The following GPSM2 variants were observed in gnomAD, a reference collection of about 807,000 sequenced individuals.
The protein encoded by GPSM2 is G protein signaling modulator 2, also known as G protein-signaling modulator 2.
GPSM2 carries 58 observed loss-of-function variants against 78.4 expected under a neutral mutation model. That is an observed-to-expected ratio of 0.74 (90% CI 0.60 to 0.92). The LOEUF (loss-of-function observed/expected upper bound fraction) is 0.92. Among genes scored for constraint, GPSM2 ranks in the 40% least tolerant of loss-of-function variants. GPSM2 has a pLI of 0.00. For synonymous variants in GPSM2, 224 were observed against 280.2 expected, an observed-to-expected ratio of 0.80 and a Z score of 2.00; for missense variants, 700 against 815.5, an observed-to-expected ratio of 0.86 and a Z score of 1.73.
At chr1:108,920,195 G>A (rs1650593777) in intron 12 of GPSM2, among the ~76,000 whole-genome samples, 1 of 151,290 alleles carries the variant, frequency 6.6e-6, no homozygotes, top group Admixed American at 6.6e-5. Context: ...TTGGCTGGGC[G>A]CAGTGGCTCA....
At chr1:108,929,375 A>C (rs1012922955) in intron 14 of GPSM2, 2 of 327,444 alleles carry the variant, frequency 6.1e-6, no homozygotes, top group Non-Finnish European at 1.1e-5. Flanking sequence ...ATACTTAGAT[A>C]CAGTTGACCT....
intron 7 of GPSM2, among the ~76,000 whole-genome samples, chr1:108,901,449 T>C (rs539827559): frequency 4.1e-4 from 62 of 152,346 alleles, no homozygotes; most frequent in South Asian, 1.7e-3. Flanking sequence ...AAAGCCTCTT[T>C]TAGCTATTGC....
At chr1:108,893,666 T>A (rs968945946) in intron 2 of GPSM2, among the ~76,000 whole-genome samples, 8 of 152,230 alleles carry the variant, frequency 5.3e-5, no homozygotes, top group Non-Finnish European at 1.0e-4. Context: ...TCCATTTTTT[T>A]AAATAATATT....
intron 1 of GPSM2, among the ~76,000 whole-genome samples, chr1:108,878,007 A>G (rs1254496104): frequency 6.6e-6 from 1 of 152,130 alleles, no homozygotes; most frequent in East Asian, 1.9e-4. Flanking sequence ...TTTCCTTTCT[A>G]TCGGGTTTGC....
intron 10 of GPSM2, chr1:108,909,902 C>CAAAA (rs34151964): frequency 5.9e-5 from 3 of 50,636 alleles, no homozygotes; most frequent in Admixed American, 4.8e-4. Context: ...ACGCCATCTC[C>CAAAA]AAAAAAAAAA....
intron 1 of GPSM2, among the ~76,000 whole-genome samples, chr1:108,878,556 G>A (rs2101280766): frequency 6.6e-6 from 1 of 152,166 alleles, no homozygotes; most frequent in South Asian, 2.1e-4. Flanking sequence ...ACAGTGATAA[G>A]ATATAGTAGT....
At chr1:108,912,027 C>G (rs553364807) in intron 10 of GPSM2, among the ~76,000 whole-genome samples, 1 of 151,826 alleles carries the variant, frequency 6.6e-6, no homozygotes, top group East Asian at 1.9e-4. Context: ...AGGCTAGTCT[C>G]GAACTTATGA....
chr1:108,917,666 A>ATATATATATATATG (rs1553215429), intron 11 of GPSM2, among the ~76,000 whole-genome samples: 1 of 83,986 alleles, frequency 1.2e-5, no homozygotes, highest in Non-Finnish European at 2.3e-5. Flanking sequence ...ATATATATAT[A>ATATATATATATATG]AATGAGTTCT....
intron 11 of GPSM2, among the ~76,000 whole-genome samples, chr1:108,917,341 G>A (rs1250637846): frequency 6.6e-6 from 1 of 151,772 alleles, no homozygotes; most frequent in Non-Finnish European, 1.5e-5. Flanking sequence ...GCCGAGGCGG[G>A]TGGATCACGA....
rs1244512667 is a variant in GPSM2 at position 108,931,750 on chromosome 1, G to A, written c.*1810G>A. On this transcript the variant is annotated 3_prime_UTR_variant, in exon 15 of 15. Transcript: ENST00000264126. ...GGTAAGTTTCATGGGGTTCTTATAA[G>A]AAAATTCAGTTAAGACAATATACCA... 3 of 295,200 alleles carry A rather than the reference G, an allele frequency of 1.0e-5. No homozygotes were observed. The highest frequency in any genetic ancestry group is 6.6e-5 in the African/African-American group (3 of 45,458). 18.3% of individuals were successfully genotyped at this position (295,200 alleles called of 1,614,324 possible). A position where few individuals can be genotyped will look rare whatever the true frequency, so the allele number is the denominator to read the frequency against.
At chr1:108,927,031 A>G (rs981364655) in intron 14 of GPSM2, 20 of 152,242 alleles carry the variant, frequency 1.3e-4, no homozygotes, top group Admixed American at 1.3e-3. Flanking sequence ...AACAATTGGA[A>G]AAGAAATTTA....
At chr1:108,920,728 G>T (rs1316877692) in intron 12 of GPSM2, among the ~76,000 whole-genome samples, 4 of 152,084 alleles carry the variant, frequency 2.6e-5, no homozygotes, top group Non-Finnish European at 4.4e-5. Context: ...GGGGTATATA[G>T]AAATTCAGGG....
intron 1 of GPSM2, among the ~76,000 whole-genome samples, chr1:108,883,827 T>C (rs1186743185): frequency 2.0e-5 from 3 of 152,226 alleles, no homozygotes; most frequent in African/African-American, 7.2e-5. Flanking sequence ...CCTCCTTTTC[T>C]CTGAACTTCT....
At position 108,932,173 on chromosome 1, in the gene GPSM2, C is replaced by G. The variant is rs1208467307; in HGVS notation, c.*2233C>G. The stretch of plus-strand genomic sequence containing the variant: ...TCTGTAATCCTAGCTACTCGGGAGA[C>G]TGAGGCAGGAGAATCTCTTGAACCT... On this transcript the variant is annotated 3_prime_UTR_variant, in exon 15 of 15. Transcript: ENST00000264126. The G allele has an allele frequency of 2.0e-5, 3 of 152,202 alleles. No individual in the cohort carries two copies. The highest frequency in any genetic ancestry group is 2.9e-5 in the Non-Finnish European group (2 of 68,080). 9.4% of individuals were successfully genotyped at this position (152,202 alleles called of 1,614,324 possible). A position where few individuals can be genotyped will look rare whatever the true frequency, so the allele number is the denominator to read the frequency against.
At chr1:108,912,302 C>G (rs890532541) in intron 10 of GPSM2, among the ~76,000 whole-genome samples, 10 of 152,100 alleles carry the variant, frequency 6.6e-5, no homozygotes, top group Admixed American at 2.0e-4. Flanking sequence ...AGTAATAAGA[C>G]AGTGTGCTGT....
chr1:108,911,055 T>C (rs1374408614), intron 10 of GPSM2, among the ~76,000 whole-genome samples: 2 of 152,010 alleles, frequency 1.3e-5, no homozygotes, highest in East Asian at 1.9e-4. Flanking sequence ...CAGTAGCAGA[T>C]TGGAGAAAGA....
At chr1:108,927,397 A>G (rs1557882241) in intron 14 of GPSM2, among the ~76,000 whole-genome samples, 1 of 152,304 alleles carries the variant, frequency 6.6e-6, no homozygotes, top group South Asian at 2.1e-4. Context: ...GGTTATTACA[A>G]AGCTACATTA....
intron 11 of GPSM2, among the ~76,000 whole-genome samples, chr1:108,915,490 G>T (rs533746687): frequency 1.3e-5 from 2 of 149,584 alleles, no homozygotes; most frequent in Non-Finnish European, 3.0e-5. Flanking sequence ...GCAGTGGCGC[G>T]ATCTCAGCTC....
intron 10 of GPSM2, among the ~76,000 whole-genome samples, chr1:108,909,388 C>A (rs1406958026): frequency 6.6e-6 from 1 of 152,132 alleles, no homozygotes; most frequent in African/African-American, 2.4e-5. Flanking sequence ...TGTATCACAT[C>A]TGTATCACAC....
Sources: allele counts gnomAD v4.1 joint callset (sites outside exome capture counted in the v4.1 genomes callset), GRCh38; gene constraint gnomAD v4.1.1; transcripts MANE v1.5; gene names NCBI Gene and HGNC (gene_info 2026-07-23, HGNC 2026-07-21).